Variants in SLC41A3 observed in about 807,000 individuals in gnomAD.
SLC41A3 encodes the protein solute carrier family 41 member 3.
SLC41A3 carries 44 observed loss-of-function variants against 45.4 expected under a neutral mutation model. That is an observed-to-expected ratio of 0.97 (90% CI 0.76 to 1.25). The LOEUF (loss-of-function observed/expected upper bound fraction) is 1.25. Ranked by LOEUF, SLC41A3 falls within the 50% of genes most tolerant of loss-of-function variation. The pLI is 0.00. For missense variants in SLC41A3, 550 were observed against 600.6 expected (o/e 0.92, Z 0.88); for synonymous variants, 256 against 252.4 (o/e 1.01, Z -0.13).
chr3:126,070,356 T>C (rs73859004), intron 1 of SLC41A3: 11,214 of 152,256 alleles, frequency 0.074, 611 homozygotes, highest in East Asian at 0.15. Context: ...TCAAACCGTA[T>C]TGTGAACTGC....
chr3:126,056,206 T>G (rs1415691341), intron 2 of SLC41A3: 12 of 915,868 alleles, frequency 1.3e-5, no homozygotes, highest in Non-Finnish European at 1.5e-5. Context: ...CCAGCCTCGC[T>G]GACACCCGGG....
chr3:126,049,641 G>A, intron 3 of SLC41A3, among the ~76,000 whole-genome samples: 1 of 152,198 alleles, frequency 6.6e-6, no homozygotes. Flanking sequence ...CATGTGTGTA[G>A]CTGTATCATG....
intron 8 of SLC41A3, 140 bp from the exon 9 acceptor site, chr3:126,012,889 A>C (rs1939867971): frequency 5.3e-6 from 7 of 1,319,478 alleles, no homozygotes; most frequent in Middle Eastern, 2.7e-4. Context: ...CTCCCACTTG[A>C]CCACAGATCT....
chr3:126,060,154 A>G (rs572371034), intron 2 of SLC41A3, among the ~76,000 whole-genome samples: 1 of 152,304 alleles, frequency 6.6e-6, no homozygotes, highest in African/African-American at 2.4e-5. Flanking sequence ...TGCGGTGGCT[A>G]ATGCCTGTAA....
At chr3:126,010,533 G>A (rs559185799) in intron 9 of SLC41A3, among the ~76,000 whole-genome samples, 11 of 152,268 alleles carry the variant, frequency 7.2e-5, no homozygotes, top group East Asian at 3.9e-4. Flanking sequence ...GGGGAAGCCC[G>A]GCAAAACAGA....
chr3:126,029,025 T>C (rs773800592), intron 4 of SLC41A3, among the ~76,000 whole-genome samples: 1 of 152,254 alleles, frequency 6.6e-6, no homozygotes, highest in Non-Finnish European at 1.5e-5. Context: ...TTTGATATTA[T>C]AGGCTCATAG....
At chr3:126,018,184 G>A (rs1940498475) in intron 6 of SLC41A3, among the ~76,000 whole-genome samples, 1 of 152,172 alleles carries the variant, frequency 6.6e-6, no homozygotes, top group African/African-American at 2.4e-5. Context: ...GAAGGTCACA[G>A]TCTCACTGGA....
intron 1 of SLC41A3, among the ~76,000 whole-genome samples, chr3:126,094,485 C>T (rs780839311): frequency 1.3e-5 from 2 of 152,168 alleles, no homozygotes; most frequent in Non-Finnish European, 2.9e-5. Context: ...AGAAAAAAAT[C>T]AGGTAAATGG....
At chr3:126,036,008 C>G (rs1173934454) in intron 3 of SLC41A3, among the ~76,000 whole-genome samples, 1 of 152,158 alleles carries the variant, frequency 6.6e-6, no homozygotes, top group Non-Finnish European at 1.5e-5. Context: ...CAGAGAGCAA[C>G]CCAGATTTTC....
At position 126,068,127 on chromosome 3, in the gene SLC41A3, G is replaced by T. The variant is rs769699650; in HGVS notation, c.93C>A (p.Leu31=). The change falls in exon 2 of 11, where the codon CTC becomes CTA. Residue 31 remains leucine, a synonymous_variant. Transcript: ENST00000360370. ...GLPHPLSTGG[L]PVASEDGALR... ...GAGCTCCATCTTCTGAGGCTACAGGGAGTCCTCCTGTGCTGAGGGGGTGAG... is the reference window on the plus strand; with the variant it reads ...GAGCTCCATCTTCTGAGGCTACAGGTAGTCCTCCTGTGCTGAGGGGGTGAG... 6.2e-7 allele frequency: 1 copy of T among 1,612,648 alleles called. No individual in the cohort carries two copies. Among genetic ancestry groups the T allele is most frequent in the South Asian group, 1.1e-5 (1 of 90,964 alleles).
In SLC41A3 at chr3:126,044,895, C is replaced by CAAAAA. The variant is rs57581225; in HGVS notation, c.381+6043_381+6047dup. 3.3e-3 allele frequency among the ~76,000 whole-genome samples: 272 copies of CAAAAA among 82,692 alleles called. 56 individuals are homozygous for CAAAAA. Among genetic ancestry groups the CAAAAA allele is most frequent in the East Asian group, 0.012 (40 of 3,296 alleles). The allele number at this position is 82,692 out of a possible 152,430, so 54.2% of individuals were successfully genotyped here. On this transcript the variant is annotated intron_variant, in intron 3 of 10. Coordinates refer to ENST00000360370, the MANE Select transcript of SLC41A3 (RefSeq NM_017836.4). ...TGGGCGACAGAGCGAGACTCCATCT[C>CAAAAA]AAAAAAAAAAAAAAAAAAAAAAAAA... is the stretch of plus-strand genomic sequence containing the variant.
At position 126,096,239 on chromosome 3, in the gene SLC41A3, A is replaced by G. The variant is rs181008681; in HGVS notation, c.-79+5190T>C. On this transcript the variant is annotated intron_variant, in intron 1 of 9. Coordinates refer to the SLC41A3 transcript ENST00000508835. ...AGGCTCTGTGATTTCAATGATTATT[A>G]TGCTTTTAATCTGTGTTGTTGTTTT... Among the ~76,000 whole-genome samples, 65 of 152,362 alleles carry G rather than the reference A, an allele frequency of 4.3e-4. No individual in the cohort carries two copies. In the East Asian group the frequency reaches 9.4e-3, roughly 22 times the overall value.
At chr3:126,018,349 CTTGTT>C (rs1296200984) in intron 6 of SLC41A3, among the ~76,000 whole-genome samples, 35 of 152,324 alleles carry the variant, frequency 2.3e-4, no homozygotes, top group East Asian at 1.7e-3. Flanking sequence ...TACAAATCTT[CTTGTT>C]TTAAGTTTAG....
In SLC41A3 at chr3:126,006,444, TAA is replaced by T. The variant is rs781509858; in HGVS notation, c.*570_*571del. On this transcript the variant is annotated 3_prime_UTR_variant, in exon 11 of 11. Transcript: ENST00000360370. ...TTTTGCTAACAAACAAAAAGGAAAA[TAA>T]AAAGACAGCAAGGACACGATTAAAT... 3.1e-6 allele frequency: 5 copies of T among 1,612,278 alleles called. No homozygotes were observed. In the African/African-American group the frequency reaches 5.4e-5, roughly 17 times the overall value.
chr3:126,056,081 G>A (rs1943639369), intron 2 of SLC41A3, among the ~76,000 whole-genome samples: 1 of 152,216 alleles, frequency 6.6e-6, no homozygotes, highest in Admixed American at 6.5e-5. Flanking sequence ...ACACTGGGAG[G>A]AAGGCGGTTT....
intron 3 of SLC41A3, among the ~76,000 whole-genome samples, chr3:126,040,772 T>C (rs1942537593): frequency 6.6e-6 from 1 of 152,128 alleles, no homozygotes; most frequent in East Asian, 1.9e-4. Context: ...CTCCAATCTT[T>C]AGATTGGAGC....
chr3:126,082,565 TCTGTGAG>T, intron 1 of SLC41A3, among the ~76,000 whole-genome samples: 1 of 152,040 alleles, frequency 6.6e-6, no homozygotes, highest in Admixed American at 6.5e-5. Context: ...CACGCCTGAG[TCTGTGAG>T]GCTGCCCACC....
intron 1 of SLC41A3, chr3:126,095,144 G>A (rs931525445): frequency 1.2e-5 from 7 of 604,686 alleles, no homozygotes; most frequent in African/African-American, 3.8e-5. Context: ...TGGGAAATAG[G>A]TAAAATAATA....
chr3:126,026,231 C>T lies in SLC41A3; in HGVS notation c.598+104G>A. ...CTGAGCCCACCATCAGTCCCATTAGCAGTGGGACTCACACCCCCAGAAACT... is the reference window on the plus strand; with the variant it reads ...CTGAGCCCACCATCAGTCCCATTAGTAGTGGGACTCACACCCCCAGAAACT... On this transcript the variant is annotated intron_variant, in intron 5 of 10. Transcript: ENST00000360370. The surrounding 1 kb of genome is among the most constrained non-coding windows in gnomAD (Gnocchi z 4.2). 6.9e-7 allele frequency: 1 copy of T among 1,446,070 alleles called. No individual in the cohort carries two copies. Among genetic ancestry groups the T allele is most frequent in the South Asian group, 1.4e-5 (1 of 72,510 alleles). The allele number at this position is 1,446,070 out of a possible 1,614,324, so 89.6% of individuals were successfully genotyped here. A position where few individuals can be genotyped will look rare whatever the true frequency, so the allele number is the denominator to read the frequency against.
Sources: gnomAD v4.1 joint callset for allele counts (sites outside exome capture counted in the v4.1 genomes callset) on GRCh38, gnomAD v4.1.1 for gene constraint, Gnocchi (gnomAD v3.1) non-coding constraint, MANE v1.5 for transcripts, NCBI Gene and HGNC (gene_info 2026-07-23, HGNC 2026-07-21) for gene names.